Variants in KLK3 observed in about 807,000 individuals in gnomAD.
The protein encoded by KLK3 is kallikrein related peptidase 3.
A neutral mutation model predicts 27.7 loss-of-function variants in KLK3; 23 were observed. The ratio of observed to expected loss-of-function variants is 0.83; its 90% CI spans 0.60 to 1.17. The LOEUF (loss-of-function observed/expected upper bound fraction) is 1.17. Ranked by LOEUF, KLK3 falls within the 50% of genes most tolerant of loss-of-function variation. KLK3 has a pLI of 0.00. For missense variants in KLK3, 322 were observed against 338.1 expected (o/e 0.95, Z 0.37); for synonymous variants, 142 against 134.2 (o/e 1.06, Z -0.40).
chr19:50,857,862 G>A (rs1379560980), intron 2 of KLK3, 167 bp from the exon 3 acceptor site: 17 of 658,150 alleles, frequency 2.6e-5, no homozygotes, highest in Non-Finnish European at 4.1e-5. Flanking sequence ...TCACACTGCT[G>A]TTTCCCAACT....
chr19:50,856,535 TG>T (rs1415077421), intron 2 of KLK3, 136 bp downstream of exon 2: 6 of 1,123,414 alleles, frequency 5.3e-6, no homozygotes, highest in Admixed American at 5.3e-5. Flanking sequence ...TCAGGTCACA[TG>T]GGGAGGCAGG....
At chr19:50,859,777 C>A in intron 4 of KLK3, 195 bp from the exon 5 acceptor site, 1 of 1,472,472 alleles carries the variant, frequency 6.8e-7, no homozygotes, top group East Asian at 2.5e-5. Flanking sequence ...CCCCACCGGC[C>A]AGGACTGGAG....
At chr19:50,856,424 G>A (rs1467231512) in intron 2 of KLK3, 25 bp downstream of exon 2, 10 of 1,608,894 alleles carry the variant, frequency 6.2e-6, no homozygotes, top group Admixed American at 1.7e-5. Flanking sequence ...GGGGTCTGGG[G>A]AGCAGGTGTC....
At position 50,857,092 on chromosome 19, in the gene KLK3, GGTGGA is replaced by G. The variant is rs991770355; in HGVS notation, c.206+695_206+699del. ...GGAGGAGAATTGCTTGAACCTGGGA[GGTGGA>G]GGTTGCAGTGAGCCGAGACCGTGCC... On this transcript the variant is annotated intron_variant, in intron 2 of 4. Transcript: ENST00000326003. Among the ~76,000 whole-genome samples the G allele has an allele frequency of 3.3e-4, 48 of 147,254 alleles. 1 individual carries two copies. The highest frequency in any genetic ancestry group is 2.7e-4 in the Non-Finnish European group (18 of 67,046).
intron 4 of KLK3, chr19:50,859,509 C>T: frequency 1.3e-6 from 2 of 1,597,390 alleles, no homozygotes; most frequent in Non-Finnish European, 1.7e-6. Context: ...CCCCTCCACT[C>T]CATTCTCCAC....
Position 50,856,387 on chromosome 19 carries a change from A to C in KLK3, c.194A>C (p.His65Pro), listed in dbSNP as rs866455801. 21 of 1,613,670 alleles carry C rather than the reference A, an allele frequency of 1.3e-5. No individual in the cohort carries two copies. The highest frequency in any genetic ancestry group is 2.2e-5 in the South Asian group (2 of 91,058). Residue 65 changes from histidine (H) to proline (P), a missense_variant, in exon 2 of 5, where the codon CAC (histidine) becomes CCC (proline). Transcript: ENST00000326003. ...CCCCAGTGGGTCCTCACAGCTGCCC[A>C]CTGCATCAGGAAGTGAGTAGGGGCC... ...VHPQWVLTAAHCIRNKSVILL... is the reference protein window; with the variant it reads ...VHPQWVLTAAPCIRNKSVILL...
rs1019935674 is a variant in KLK3, at chr19:50,860,518, C to T, written c.*391C>T. The T allele has an allele frequency of 2.1e-4, 34 of 159,576 alleles. No homozygotes were observed. The highest frequency in any genetic ancestry group is 9.6e-5 in the Non-Finnish European group (7 of 73,114). 9.9% of individuals were successfully genotyped at this position (159,576 alleles called of 1,614,324 possible). On this transcript the variant is annotated 3_prime_UTR_variant, in exon 5 of 5. Transcript: ENST00000326003. ...CTGGAGGCACAACGCACCAGACACT[C>T]ACAGCAAGGATGGAGCTGAAAACAT...
chr19:50,857,941 T>A, intron 2 of KLK3, 88 bp from the exon 3 acceptor site: 1 of 1,385,540 alleles, frequency 7.2e-7, no homozygotes. Flanking sequence ...TTTCTTTTTC[T>A]CTTTTGGAGC....
At chr19:50,856,099 C>G (rs1263426780) in intron 1 of KLK3, 141 bp from the exon 2 acceptor site, 4 of 693,324 alleles carry the variant, frequency 5.8e-6, no homozygotes, top group Non-Finnish European at 9.8e-6. Flanking sequence ...CCCAGCTCCC[C>G]CTGCCCATGT....
intron 1 of KLK3, 59 bp from the exon 2 acceptor site, chr19:50,856,181 C>A: frequency 6.7e-7 from 1 of 1,485,132 alleles, no homozygotes; most frequent in Non-Finnish European, 9.2e-7. Context: ...ATCTCCTATC[C>A]GAGTCCCCCA....
chr19:50,860,226 T>G lies in KLK3; in HGVS notation c.*99T>G. 1.1e-6 allele frequency: 1 copy of G among 913,136 alleles called. No homozygotes were observed. The highest frequency in any genetic ancestry group is 2.4e-5 in the East Asian group (1 of 41,042). 56.6% of individuals were successfully genotyped at this position (913,136 alleles called of 1,614,324 possible). ...AGTTCTACTGACCTTTGTCCTTAGG[T>G]GTGAGGTCCAGGGTTGCTAGGAAAA... is the stretch of plus-strand genomic sequence containing the variant. On this transcript the variant is annotated 3_prime_UTR_variant, in exon 5 of 5. Coordinates refer to ENST00000326003, the MANE Select transcript of KLK3 (RefSeq NM_001648.2).
Position 50,860,568 on chromosome 19 carries a change from G to T in KLK3, c.*441G>T. The T allele has an allele frequency of 6.5e-6, 1 of 153,556 alleles. No homozygotes were observed. The allele number at this position is 153,556 out of a possible 1,614,324, so 9.5% of individuals were successfully genotyped here. A position where few individuals can be genotyped will look rare whatever the true frequency, so the allele number is the denominator to read the frequency against. ...TAACCCACTCTGTCCTGGAGGCACT[G>T]GGAAGCCTAGAGAAGGCTGTGAGCC... On this transcript the variant is annotated 3_prime_UTR_variant, in exon 5 of 5. Transcript: ENST00000326003.
intron 2 of KLK3, 139 bp from the exon 3 acceptor site, chr19:50,857,890 G>T (rs1182625152): frequency 4.8e-6 from 4 of 839,858 alleles, no homozygotes; most frequent in Non-Finnish European, 7.2e-6. Flanking sequence ...TGTATTTTTG[G>T]CCTGAACTGT....
chr19:50,859,974 T>A lies in KLK3; in HGVS notation c.633T>A (p.Gly211=), dbSNP rs764929426. 25 of 1,611,548 alleles carry A rather than the reference T, an allele frequency of 1.6e-5. No homozygotes were observed. Among genetic ancestry groups the A allele is most frequent in the Admixed American group, 3.3e-5 (2 of 59,842 alleles). Residue 211 remains glycine (G), a splice_region_variant and synonymous_variant, in exon 5 of 5, where the codon GGT becomes GGA. Coordinates refer to ENST00000326003, the MANE Select transcript of KLK3 (RefSeq NM_001648.2). The part of the protein sequence containing the change: ...RWTGGKSTCS[G]DSGGPLVCNG... ...TCTCTCCCTGCTTTTACCCTTAGGG[T>A]GATTCTGGGGGCCCACTTGTCTGTA... is the stretch of plus-strand genomic sequence containing the variant.
At chr19:50,857,658 T>G in intron 2 of KLK3, 1 of 178,094 alleles carries the variant, frequency 5.6e-6, no homozygotes, top group Non-Finnish European at 1.2e-5. Flanking sequence ...TCTGCCTGGT[T>G]TTGTTCTTCT....
intron 2 of KLK3, among the ~76,000 whole-genome samples, chr19:50,856,888 C>T (rs185263651): frequency 2.6e-5 from 4 of 152,082 alleles, no homozygotes; most frequent in East Asian, 3.9e-4. Flanking sequence ...TTTGGCTGGG[C>T]GCGGTGGCTC....
At chr19:50,859,681 CCT>C (rs1312275005) in intron 4 of KLK3, 17 of 1,595,210 alleles carry the variant, frequency 1.1e-5, no homozygotes, top group Non-Finnish European at 1.5e-5. Context: ...TGCAGATGGT[CCT>C]GGCCCTTGTC....
At position 50,860,403 on chromosome 19, in the gene KLK3, G is replaced by GTTTTAAT; in HGVS notation, c.*276_*277insTTTTAAT. On this transcript the variant is annotated 3_prime_UTR_variant, in exon 5 of 5. Coordinates refer to ENST00000326003, the MANE Select transcript of KLK3 (RefSeq NM_001648.2). Reference sequence around the variant, plus strand: ...GGATGGGGTGTCTGTGTTATTTGTGGGGTACAGAGATGAAAGAGGGGTGGG... The same window carrying GTTTTAAT: ...GGATGGGGTGTCTGTGTTATTTGTGGTTTTAATGGTACAGAGATGAAAGAGGGGTGGG... 1 of 334,180 alleles carries GTTTTAAT rather than the reference G, an allele frequency of 3.0e-6. No individual in the cohort carries two copies. The highest frequency in any genetic ancestry group is 5.5e-6 in the Non-Finnish European group (1 of 180,912). The allele number at this position is 334,180 out of a possible 1,614,324, so 20.7% of individuals were successfully genotyped here.
Position 50,858,520 on chromosome 19 carries a change from G to T in KLK3, c.555G>T (p.Ala185=). ...DLHVISNDVC[A]QVHPQKVTKF... is the part of the protein sequence containing the mutation. ...ATGTTATTTCCAATGACGTGTGTGC[G>T]CAAGTTCACCCTCAGAAGGTGACCA... The change falls in exon 4 of 5, where the codon GCG becomes GCT. Residue 185 remains alanine, a synonymous_variant. Transcript: ENST00000326003. The T allele has an allele frequency of 1.2e-6, 2 of 1,614,206 alleles. No homozygotes were observed. The highest frequency in any genetic ancestry group is 1.3e-5 in the African/African-American group (1 of 75,058).
Sources: allele counts gnomAD v4.1 joint callset (sites outside exome capture counted in the v4.1 genomes callset), GRCh38; gene constraint gnomAD v4.1.1; transcripts MANE v1.5; gene names NCBI Gene and HGNC (gene_info 2026-07-23, HGNC 2026-07-21).